The following COL26A1 variants were observed in gnomAD, a reference collection of about 807,000 sequenced individuals.
The protein encoded by COL26A1 is collagen type XXVI alpha 1 chain, also known as collagen alpha-1(XXVI) chain.
Under a neutral mutation model 59.3 loss-of-function variants are expected in COL26A1, and 41 were observed. The observed-to-expected ratio is 0.69, with a 90% confidence interval of 0.54 to 0.90. The LOEUF (loss-of-function observed/expected upper bound fraction) is 0.90. COL26A1 is among the 40% of genes least tolerant of loss of function. COL26A1 has a pLI of 0.00. For missense variants in COL26A1, 612 were observed against 602.3 expected, an observed-to-expected ratio of 1.02 and a Z score of -0.17; for synonymous variants, 266 against 256.0, an observed-to-expected ratio of 1.04 and a Z score of -0.37.
chr7:101,506,208 A>T (rs942955872), intron 3 of COL26A1, among the ~76,000 whole-genome samples: 1 of 152,162 alleles, frequency 6.6e-6, no homozygotes, highest in African/African-American at 2.4e-5. Context: ...TAACTTCCTG[A>T]CTGTCCCGGT....
chr7:101,546,092 G>A (rs559579279), intron 7 of COL26A1, among the ~76,000 whole-genome samples: 1 of 152,338 alleles, frequency 6.6e-6, no homozygotes, highest in East Asian at 1.9e-4. Context: ...TCTACCTTGG[G>A]AGGTGGGGAC....
At chr7:101,465,295 T>G (rs1015034963) in intron 3 of COL26A1, among the ~76,000 whole-genome samples, 1 of 152,028 alleles carries the variant, frequency 6.6e-6, no homozygotes, top group Non-Finnish European at 1.5e-5. Context: ...CTGCCTCAGC[T>G]TCTCAAAGTG....
intron 3 of COL26A1, among the ~76,000 whole-genome samples, chr7:101,470,939 C>T (rs1013923538): frequency 1.3e-5 from 2 of 152,048 alleles, no homozygotes; most frequent in African/African-American, 4.8e-5. Flanking sequence ...AGCATAAACT[C>T]AGATTTGGGG....
chr7:101,517,798 A>ACT (rs1795061458), intron 3 of COL26A1, among the ~76,000 whole-genome samples: 1 of 76,892 alleles, frequency 1.3e-5, no homozygotes, highest in East Asian at 4.6e-4. Flanking sequence ...TTCTCCCCGC[A>ACT]TTTTTTTTTT....
At position 101,444,300 on chromosome 7, in the gene COL26A1, G is replaced by A. The variant is rs569128867; in HGVS notation, c.282-3384G>A. ...TCAATAAACCCACTTTGGGTTTATT[G>A]TTGGTGAATCAACCAAAAGAAATTA... On this transcript the variant is annotated intron_variant, in intron 2 of 12. Coordinates refer to ENST00000313669, the MANE Select transcript of COL26A1 (RefSeq NM_001278563.3). 4.7e-4 allele frequency among the ~76,000 whole-genome samples: 71 copies of A among 152,070 alleles called. 1 individual carries two copies. The Middle Eastern group carries it at 0.017, about 37-fold the overall frequency.
chr7:101,493,458 A>G (rs1794511590), intron 3 of COL26A1, among the ~76,000 whole-genome samples: 1 of 151,970 alleles, frequency 6.6e-6, no homozygotes, highest in Admixed American at 6.6e-5. Context: ...TCCTCACCAC[A>G]CTAGGTGAGA....
intron 3 of COL26A1, among the ~76,000 whole-genome samples, chr7:101,491,078 A>AG (rs1286542710): frequency 3.3e-4 from 50 of 150,760 alleles, no homozygotes; most frequent in African/African-American, 1.2e-3. Context: ...TGAATGTGTG[A>AG]GGCAAAAAAA....
chr7:101,537,386 G>C (rs1795502961), intron 4 of COL26A1, among the ~76,000 whole-genome samples: 1 of 152,244 alleles, frequency 6.6e-6, no homozygotes, highest in Non-Finnish European at 1.5e-5. Context: ...GCAGAGGGCA[G>C]TGTCCCGGCT....
chr7:101,477,319 T>C (rs976043069), intron 3 of COL26A1, among the ~76,000 whole-genome samples: 1 of 152,176 alleles, frequency 6.6e-6, no homozygotes, highest in Non-Finnish European at 1.5e-5. Context: ...GAATGATACA[T>C]GGTCATGTTT....
intron 2 of COL26A1, among the ~76,000 whole-genome samples, chr7:101,438,965 A>G (rs1792982232): frequency 6.6e-6 from 1 of 152,248 alleles, no homozygotes. Context: ...GGCGTGAGCC[A>G]CAGCGCCCAG....
At chr7:101,528,269 C>G (rs1463162984) in intron 3 of COL26A1, among the ~76,000 whole-genome samples, 2 of 152,216 alleles carry the variant, frequency 1.3e-5, no homozygotes, top group African/African-American at 4.8e-5. Context: ...GCCTCCCCCT[C>G]CATCCGCTGA....
chr7:101,441,692 G>A (rs1402255720), intron 2 of COL26A1, among the ~76,000 whole-genome samples: 9 of 152,110 alleles, frequency 5.9e-5, no homozygotes, highest in Non-Finnish European at 1.3e-4. Context: ...AGTGTCTGGT[G>A]CATCTGGAGG....
At chr7:101,385,472 G>A (rs2117039191) in intron 1 of COL26A1, among the ~76,000 whole-genome samples, 1 of 151,556 alleles carries the variant, frequency 6.6e-6, no homozygotes, top group South Asian at 2.1e-4. Flanking sequence ...CTGGGTTCAA[G>A]TGATTCTCCT....
intron 1 of COL26A1, among the ~76,000 whole-genome samples, chr7:101,411,915 A>G (rs10272328): frequency 0.28 from 42,436 of 152,050 alleles, 6,108 homozygotes; most frequent in Middle Eastern, 0.31. Context: ...TCCAACCTGG[A>G]CAACAGAACA....
chr7:101,544,571 C>G (rs1483464199), intron 6 of COL26A1, among the ~76,000 whole-genome samples: 1 of 136,156 alleles, frequency 7.3e-6, no homozygotes, highest in African/African-American at 2.7e-5. Context: ...TGTGCTGTGT[C>G]GCCCAGACTG....
chr7:101,546,381 T>G (rs887079813), intron 7 of COL26A1, among the ~76,000 whole-genome samples: 1 of 151,362 alleles, frequency 6.6e-6, no homozygotes, highest in African/African-American at 2.4e-5. Context: ...ACCCTAGGCA[T>G]GTATCGCCAC....
intron 2 of COL26A1, among the ~76,000 whole-genome samples, chr7:101,426,074 A>G (rs1421588152): frequency 6.6e-6 from 1 of 152,036 alleles, no homozygotes; most frequent in African/African-American, 2.4e-5. Context: ...TGATCCACCC[A>G]TCAGCCTCTC....
At chr7:101,517,965 C>G (rs190035993) in intron 3 of COL26A1, among the ~76,000 whole-genome samples, 1 of 152,030 alleles carries the variant, frequency 6.6e-6, no homozygotes. Flanking sequence ...AGGCATGCAC[C>G]ACCCAGGCCT....
At chr7:101,488,349 A>AATATATATATATAT (rs368433793) in intron 3 of COL26A1, among the ~76,000 whole-genome samples, 10 of 104,972 alleles carry the variant, frequency 9.5e-5, no homozygotes, top group African/African-American at 3.3e-4. Flanking sequence ...AATTTTATTT[A>AATATATATATATAT]ATATATATAT....
Sources: gnomAD v4.1 joint callset for allele counts (sites outside exome capture counted in the v4.1 genomes callset) on GRCh38, gnomAD v4.1.1 for gene constraint, MANE v1.5 for transcripts, NCBI Gene and HGNC (gene_info 2026-07-23, HGNC 2026-07-21) for gene names.